Variants in CD164 observed in about 807,000 individuals in gnomAD.
CD164 encodes CD164 molecule, also known as sialomucin core protein 24.
CD164 carries 11 observed loss-of-function variants against 24.6 expected under a neutral mutation model. The observed-to-expected ratio is 0.45, with a 90% CI of 0.28 to 0.74. CD164 has a LOEUF of 0.74. Ranked by LOEUF, CD164 falls within the 30% of genes least tolerant of loss-of-function variation. The pLI is 0.13. For missense variants in CD164, 295 were observed against 243.7 expected (o/e 1.21, Z -1.40); for synonymous variants, 126 against 100.3 (o/e 1.26, Z -1.53).
intron 4 of CD164, among the ~76,000 whole-genome samples, chr6:109,373,028 GATTC>G (rs1318181103): frequency 1.6e-4 from 24 of 151,360 alleles, no homozygotes; most frequent in Non-Finnish European, 2.2e-4. Flanking sequence ...GAAAAAAAAA[GATTC>G]ATTAGGAAAG....
intron 4 of CD164, chr6:109,372,080 A>C (rs1771105955): frequency 6.6e-6 from 1 of 152,218 alleles, no homozygotes. Context: ...TGCTTAACCC[A>C]CGAAAGACAG....
Position 109,378,350 on chromosome 6 carries a change from G to A in CD164, c.260-379C>T, listed in dbSNP as rs569115064. Among the ~76,000 whole-genome samples the A allele has an allele frequency of 1.2e-3, 181 of 152,228 alleles. 1 individual carries two copies. Among genetic ancestry groups the A allele is most frequent in the South Asian group, 2.3e-3 (11 of 4,826 alleles). ...TAATCTCAGCACTTTGGGAGGCCAG[G>A]GTGGGAAGATCACCTGAGGTCAGGA... On this transcript the variant is annotated intron_variant, in intron 2 of 5. Transcript: ENST00000310786.
chr6:109,370,462 G>A lies in CD164; in HGVS notation c.376C>T (p.Pro126Ser), dbSNP rs760259737. 2.5e-6 allele frequency: 4 copies of A among 1,611,944 alleles called. No homozygotes were observed. In the East Asian group the frequency reaches 8.9e-5, roughly 36 times the overall value. The change falls in exon 5 of 6, where the codon CCC (proline) becomes TCC (serine). Residue 126 changes from proline (P) to serine (S), a missense_variant. Pro to Ser is a moderately conservative substitution (Grantham distance 74). Coordinates refer to ENST00000310786, the MANE Select transcript of CD164 (RefSeq NM_006016.6). ...PVPTANSTAKPTVQPSPSTTS... is the reference protein window; with the variant it reads ...PVPTANSTAKSTVQPSPSTTS... ...GTAGAAGGGGAGGGCTGAACTGTGGGTTTAGCTGGAATGAAAACAAAATGT... is the reference window on the plus strand; with the variant it reads ...GTAGAAGGGGAGGGCTGAACTGTGGATTTAGCTGGAATGAAAACAAAATGT...
chr6:109,379,864 G>C, intron 1 of CD164: 1 of 504,228 alleles, frequency 2.0e-6, no homozygotes, highest in Non-Finnish European at 3.5e-6. Flanking sequence ...AGAAAAACAA[G>C]CTAGTGGTCA....
intron 4 of CD164, 27 bp from the exon 5 acceptor site, chr6:109,370,494 A>C (rs983545671): frequency 1.3e-6 from 2 of 1,585,214 alleles, no homozygotes; most frequent in East Asian, 2.2e-5. Flanking sequence ...ATGTCTTTTT[A>C]AAAAACCTTA....
rs1234386430 is a variant in CD164 at position 109,366,671 on chromosome 6, G to C, written c.*2180C>G. 6.6e-6 allele frequency: 1 copy of C among 152,512 alleles called. No individual in the cohort carries two copies. The highest frequency in any genetic ancestry group is 1.5e-5 in the Non-Finnish European group (1 of 68,024). 9.4% of individuals were successfully genotyped at this position (152,512 alleles called of 1,614,324 possible). A position where few individuals can be genotyped will look rare whatever the true frequency, so the allele number is the denominator to read the frequency against. The stretch of plus-strand genomic sequence containing the variant: ...AGGTAAAATAAGGTATTTGATAGAA[G>C]AACATCTGCAAGAACAAATCAGATG... On this transcript the variant is annotated 3_prime_UTR_variant, in exon 6 of 6. Transcript: ENST00000310786.
In CD164 at chr6:109,367,396, T is replaced by C. The variant is rs1770821924; in HGVS notation, c.*1455A>G. The stretch of plus-strand genomic sequence containing the variant: ...AAAATCAAGTGCGAAACTCAGCCAC[T>C]ATTGGCTAAAGAAACTAAATAAAAA... On this transcript the variant is annotated 3_prime_UTR_variant, in exon 6 of 6. Transcript: ENST00000310786. 1 of 152,410 alleles carries C rather than the reference T, an allele frequency of 6.6e-6. No individual in the cohort carries two copies. The highest frequency in any genetic ancestry group is 1.5e-5 in the Non-Finnish European group (1 of 68,004). The allele number at this position is 152,410 out of a possible 1,614,324, so 9.4% of individuals were successfully genotyped here. A position where few individuals can be genotyped will look rare whatever the true frequency, so the allele number is the denominator to read the frequency against.
chr6:109,368,087 TTAC>T lies in CD164; in HGVS notation c.*761_*763del, dbSNP rs1395214411. 6 of 439,180 alleles carry T rather than the reference TTAC, an allele frequency of 1.4e-5. No homozygotes were observed. The highest frequency in any genetic ancestry group is 2.0e-5 in the Non-Finnish European group (5 of 250,988). 27.2% of individuals were successfully genotyped at this position (439,180 alleles called of 1,614,324 possible). A position where few individuals can be genotyped will look rare whatever the true frequency, so the allele number is the denominator to read the frequency against. ...TAACAGTATGATATCTAAAACAGGT[TTAC>T]TACTGCTCACATCAAGTTACATCCT... On this transcript the variant is annotated 3_prime_UTR_variant, in exon 6 of 6. Transcript: ENST00000310786.
intron 4 of CD164, among the ~76,000 whole-genome samples, chr6:109,373,789 T>A (rs564695679): frequency 6.6e-6 from 1 of 152,340 alleles, no homozygotes; most frequent in South Asian, 2.1e-4. Flanking sequence ...CATCACCATA[T>A]AATCATCAGC....
rs1770831762 is a variant in CD164 at position 109,367,576 on chromosome 6, T to A, written c.*1275A>T. 1 of 152,534 alleles carries A rather than the reference T, an allele frequency of 6.6e-6. No individual in the cohort carries two copies. Among genetic ancestry groups the A allele is most frequent in the Non-Finnish European group, 1.5e-5 (1 of 67,984 alleles). 9.4% of individuals were successfully genotyped at this position (152,534 alleles called of 1,614,324 possible). A position where few individuals can be genotyped will look rare whatever the true frequency, so the allele number is the denominator to read the frequency against. On this transcript the variant is annotated 3_prime_UTR_variant, in exon 6 of 6. Transcript: ENST00000310786. ...TAGAAGTTAAAGTATGCATGCTTAT[T>A]ATACTATGGGAAACCAAGAAGGAAG...
chr6:109,376,298 T>C (rs1771404566), intron 3 of CD164, among the ~76,000 whole-genome samples, 186 bp from the exon 4 acceptor site: 1 of 152,206 alleles, frequency 6.6e-6, no homozygotes, highest in Admixed American at 6.5e-5. Flanking sequence ...AGAAATAGAA[T>C]CACCAATTTT....
chr6:109,376,015 C>A (rs1771386585), intron 4 of CD164, 59 bp downstream of exon 4: 2 of 1,234,914 alleles, frequency 1.6e-6, no homozygotes, highest in South Asian at 2.7e-5. Flanking sequence ...TAAAACTAAT[C>A]CATCAAGAAA....
intron 2 of CD164, among the ~76,000 whole-genome samples, chr6:109,379,252 G>C (rs914453884): frequency 2.0e-5 from 3 of 152,164 alleles, no homozygotes; most frequent in Admixed American, 6.5e-5. Flanking sequence ...CGCATCTGTA[G>C]TCTTGGCTAC....
rs1445682605 is a variant in CD164, at chr6:109,379,672, TGGG to T, written c.176-13_176-11del. 1 of 1,605,512 alleles carries T rather than the reference TGGG, an allele frequency of 6.2e-7. No individual in the cohort carries two copies. The highest frequency in any genetic ancestry group is 8.5e-7 in the Non-Finnish European group (1 of 1,175,252). On this transcript the variant is annotated splice_polypyrimidine_tract_variant and intron_variant, in intron 1 of 5. Coordinates refer to ENST00000310786, the MANE Select transcript of CD164 (RefSeq NM_006016.6). ...CGACCTTCACAGGTTTCTGGGGAGT[TGGG>T]GGGAGAGATGCATGAAATCAATGAT...
chr6:109,377,644 TAAAA>T (rs35168490), intron 3 of CD164, among the ~76,000 whole-genome samples: 1 of 141,444 alleles, frequency 7.1e-6, no homozygotes, highest in African/African-American at 2.7e-5. Context: ...TAGAAAAGTT[TAAAA>T]AAAAAAAAAA....
rs149436211 is a variant in CD164 at position 109,382,346 on chromosome 6, G to A, written c.33C>T (p.Ala11=). 9.0e-6 allele frequency: 14 copies of A among 1,563,152 alleles called. No individual in the cohort carries two copies. Among genetic ancestry groups the A allele is most frequent in the African/African-American group, 1.4e-5 (1 of 73,778 alleles). ...CGCAGAGCACGCCCAGGCAGGTGGC[G>A]GCCCAAAGCAGTGAGCGGGAGAGCC... MSRLSRSLLW[A]ATCLGVLCVL... is the part of the protein sequence containing the mutation. The change falls in exon 1 of 6, where the codon GCC becomes GCT. Residue 11 remains alanine, a synonymous_variant. Transcript: ENST00000310786.
At chr6:109,380,764 C>T (rs1313126799) in intron 1 of CD164, among the ~76,000 whole-genome samples, 5 of 152,262 alleles carry the variant, frequency 3.3e-5, no homozygotes, top group Admixed American at 2.6e-4. Context: ...ACTTCAATTA[C>T]ACAAAGACAA....
intron 4 of CD164, among the ~76,000 whole-genome samples, chr6:109,374,984 CT>C (rs1771312456): frequency 6.6e-6 from 1 of 152,210 alleles, no homozygotes; most frequent in Admixed American, 6.5e-5. Context: ...TACCCTAGTA[CT>C]TGTCTTGGAA....
In CD164 at chr6:109,366,680, C is replaced by T. The variant is rs1376908760; in HGVS notation, c.*2171G>A. 2 of 152,498 alleles carry T rather than the reference C, an allele frequency of 1.3e-5. No homozygotes were observed. Among genetic ancestry groups the T allele is most frequent in the African/African-American group, 4.8e-5 (2 of 41,382 alleles). The allele number at this position is 152,498 out of a possible 1,614,324, so 9.4% of individuals were successfully genotyped here. A position where few individuals can be genotyped will look rare whatever the true frequency, so the allele number is the denominator to read the frequency against. ...AAGGTATTTGATAGAAGAACATCTG[C>T]AAGAACAAATCAGATGAAAAATCTG... is the stretch of plus-strand genomic sequence containing the variant. On this transcript the variant is annotated 3_prime_UTR_variant, in exon 6 of 6. Coordinates refer to ENST00000310786, the MANE Select transcript of CD164 (RefSeq NM_006016.6).
Sources: gnomAD v4.1 joint callset for allele counts (sites outside exome capture counted in the v4.1 genomes callset) on GRCh38, gnomAD v4.1.1 for gene constraint, MANE v1.5 for transcripts, NCBI Gene and HGNC (gene_info 2026-07-23, HGNC 2026-07-21) for gene names.